Variants in AGO3 observed in about 807,000 individuals in gnomAD.
AGO3 encodes the protein argonaute RISC catalytic component 3.
In AGO3, 16 loss-of-function variants were observed where a neutral mutation model predicts 105.5. The observed-to-expected ratio is 0.15, with a 90% CI of 0.10 to 0.23. AGO3 has a LOEUF of 0.23. Among genes scored for constraint, AGO3 ranks in the 10% least tolerant of loss-of-function variants. The probability of loss-of-function intolerance (pLI) is 1.00; values close to 1 mark genes in which losing one functional copy is unlikely to be tolerated. For synonymous variants in AGO3, 340 were observed against 367.3 expected (o/e 0.93, Z 0.85); for missense variants, 534 against 1,088.0 (o/e 0.49, Z 7.16).
intron 8 of AGO3, 116 bp downstream of exon 8, chr1:36,009,160 A>G: frequency 8.7e-6 from 11 of 1,257,288 alleles, no homozygotes; most frequent in Non-Finnish European, 1.1e-5. Context: ...ACTGTTTTTA[A>G]GTTTTAATTT....
chr1:35,989,129 T>C (rs1647377534), intron 5 of AGO3, among the ~76,000 whole-genome samples: 1 of 152,194 alleles, frequency 6.6e-6, no homozygotes, highest in Admixed American at 6.5e-5. Flanking sequence ...AAGGGAGGGA[T>C]CCATTGTAGT....
At chr1:35,995,514 C>T (rs975286714) in intron 5 of AGO3, among the ~76,000 whole-genome samples, 6 of 151,960 alleles carry the variant, frequency 3.9e-5, no homozygotes, top group Non-Finnish European at 8.8e-5. Context: ...AAAGGTTAGT[C>T]TTCTCAGTAA....
intron 6 of AGO3, chr1:36,005,888 A>T (rs554796331): frequency 1.0e-6 from 1 of 985,136 alleles, no homozygotes; most frequent in East Asian, 1.1e-4. Context: ...TTAAATATTT[A>T]TTAAAGCCAA....
intron 4 of AGO3, 75 bp downstream of exon 4, chr1:35,972,307 A>G: frequency 6.9e-7 from 1 of 1,452,868 alleles, no homozygotes. Context: ...CCTTGGTTAA[A>G]CCTTTATTTG....
intron 5 of AGO3, among the ~76,000 whole-genome samples, chr1:36,000,897 A>T (rs1009714376): frequency 6.6e-6 from 1 of 151,478 alleles, no homozygotes; most frequent in African/African-American, 2.4e-5. Flanking sequence ...GTTTATTTGG[A>T]TGGAAGTTTA....
At chr1:36,041,511 G>A (rs1642251278) in intron 16 of AGO3, among the ~76,000 whole-genome samples, 1 of 152,110 alleles carries the variant, frequency 6.6e-6, no homozygotes, top group African/African-American at 2.4e-5. Flanking sequence ...AAAGTGCTGG[G>A]ATTACAGGTG....
intron 11 of AGO3, among the ~76,000 whole-genome samples, chr1:36,025,608 A>T (rs1442561418): frequency 6.6e-6 from 1 of 152,202 alleles, no homozygotes; most frequent in Non-Finnish European, 1.5e-5. Context: ...CTTCATCTCT[A>T]TCCTGAAGGA....
chr1:36,039,861 G>C lies in AGO3; in HGVS notation c.1914G>C (p.Glu638Asp), dbSNP rs757143996. Residue 638 changes from glutamate to aspartate, a missense_variant, in exon 15 of 19, where the codon GAG becomes GAC. Coordinates refer to ENST00000373191, the MANE Select transcript of AGO3 (RefSeq NM_024852.4). Reference sequence around the variant, plus strand: ...TAAGAGTTCAGAGACCCCGACAGGAGATCATCCAGGACTTGGCCTCCATGG... The same window carrying C: ...TAAGAGTTCAGAGACCCCGACAGGACATCATCCAGGACTTGGCCTCCATGG... ...ATVRVQRPRQ[E>D]IIQDLASMVR... is the part of the protein sequence containing the mutation. 6.2e-7 allele frequency: 1 copy of C among 1,613,902 alleles called. No homozygotes were observed. Among genetic ancestry groups the C allele is most frequent in the Non-Finnish European group, 8.5e-7 (1 of 1,179,946 alleles).
chr1:35,943,750 C>T (rs1646303464), intron 1 of AGO3, among the ~76,000 whole-genome samples: 1 of 151,688 alleles, frequency 6.6e-6, no homozygotes. Context: ...ACTACAGGTG[C>T]ACACCTGGCT....
upstream of AGO3, chr1:35,931,053 G>C (rs574534403): frequency 2.6e-5 from 10 of 383,510 alleles, no homozygotes; most frequent in Non-Finnish European, 3.7e-5. Flanking sequence ...AGGACGCCGG[G>C]CAAGCCAGGC....
chr1:35,931,614 A>G (rs1013352274), intron 1 of AGO3, among the ~76,000 whole-genome samples, 169 bp downstream of exon 1: 4 of 152,152 alleles, frequency 2.6e-5, no homozygotes, highest in East Asian at 1.9e-4. Flanking sequence ...GCCCAGCCCC[A>G]GTTCCCCGGG....
At chr1:36,004,515 G>A (rs747414168) in intron 6 of AGO3, 40 bp downstream of exon 6, 3 of 1,514,770 alleles carry the variant, frequency 2.0e-6, no homozygotes, top group South Asian at 1.3e-5. Flanking sequence ...ACTATAAAAT[G>A]CATGGATATA....
At chr1:35,982,631 C>G in intron 5 of AGO3, 1 of 717,684 alleles carries the variant, frequency 1.4e-6, no homozygotes, top group South Asian at 1.5e-5. Flanking sequence ...AAAGAGACCT[C>G]TGGCAGCAGT....
At chr1:35,982,642 G>T (rs1647074582) in intron 5 of AGO3, 1 of 717,726 alleles carries the variant, frequency 1.4e-6, no homozygotes, top group Non-Finnish European at 2.6e-6. Context: ...TGGCAGCAGT[G>T]TGGAGAATAG....
intron 3 of AGO3, among the ~76,000 whole-genome samples, chr1:35,971,538 A>G (rs1244296661): frequency 2.0e-5 from 3 of 151,798 alleles, no homozygotes; most frequent in Non-Finnish European, 4.4e-5. Context: ...TATACTCAGA[A>G]TTGTTCTGTC....
chr1:35,947,970 T>A (rs1200713584), intron 2 of AGO3, among the ~76,000 whole-genome samples: 1 of 152,128 alleles, frequency 6.6e-6, no homozygotes, highest in African/African-American at 2.4e-5. Flanking sequence ...GGCAGGAGGA[T>A]TACTTAAGCC....
chr1:35,960,261 C>A (rs534800641), intron 2 of AGO3, among the ~76,000 whole-genome samples: 41 of 152,154 alleles, frequency 2.7e-4, no homozygotes, highest in African/African-American at 8.9e-4. Context: ...AATAAACTAC[C>A]CTTTTCCCTA....
At chr1:35,999,463 G>T (rs1039302216) in intron 5 of AGO3, among the ~76,000 whole-genome samples, 3 of 152,136 alleles carry the variant, frequency 2.0e-5, no homozygotes, top group African/African-American at 7.2e-5. Flanking sequence ...CTGAAATTGC[G>T]ATTGAAGATT....
At chr1:35,948,532 G>A (rs903894990) in intron 2 of AGO3, among the ~76,000 whole-genome samples, 1 of 138,796 alleles carries the variant, frequency 7.2e-6, no homozygotes, top group Non-Finnish European at 1.5e-5. Context: ...GTGCCCGGCC[G>A]GAACAGAATT....
Sources: gnomAD v4.1 joint callset for allele counts (sites outside exome capture counted in the v4.1 genomes callset) on GRCh38, gnomAD v4.1.1 for gene constraint, MANE v1.5 for transcripts, NCBI Gene and HGNC (gene_info 2026-07-23, HGNC 2026-07-21) for gene names.